The following ASAP1 variants were observed in gnomAD, a reference collection of about 807,000 sequenced individuals.
ASAP1 encodes the protein ArfGAP with SH3 domain, ankyrin repeat and PH domain 1.
Under a neutral mutation model 145.2 loss-of-function variants are expected in ASAP1, and 43 were observed. The observed-to-expected ratio is 0.30, with a 90% CI of 0.23 to 0.38. ASAP1 has a LOEUF of 0.38. Ranked by LOEUF, ASAP1 falls within the 10% of genes least tolerant of loss-of-function variation. ASAP1 has a pLI of 1.00. For missense variants in ASAP1, 1,018 were observed against 1,355.3 expected (o/e 0.75, Z 3.91); for synonymous variants, 546 against 515.5 (o/e 1.06, Z -0.80).
chr8:130,178,751 T>C (rs1359936791), intron 9 of ASAP1, among the ~76,000 whole-genome samples: 2 of 152,002 alleles, frequency 1.3e-5, no homozygotes, highest in East Asian at 1.9e-4. Flanking sequence ...TAACTGGGTG[T>C]GGTGGCGTGC....
At chr8:130,360,184 G>A (rs1826645165) in intron 2 of ASAP1, among the ~76,000 whole-genome samples, 1 of 152,220 alleles carries the variant, frequency 6.6e-6, no homozygotes, top group Non-Finnish European at 1.5e-5. Context: ...ACATAAAGTG[G>A]AGTAAATATA....
intron 2 of ASAP1, among the ~76,000 whole-genome samples, chr8:130,383,991 G>A (rs970161382): frequency 2.0e-5 from 3 of 152,162 alleles, no homozygotes; most frequent in African/African-American, 7.2e-5. Context: ...ACGGTTCATG[G>A]TGAAGACTGC....
chr8:130,202,183 A>T (rs1042452916), intron 5 of ASAP1, among the ~76,000 whole-genome samples: 3 of 152,200 alleles, frequency 2.0e-5, no homozygotes, highest in Admixed American at 6.5e-5. Flanking sequence ...CCTAAATGGT[A>T]ACTGTGATAG....
At chr8:130,251,158 C>A (rs1819172402) in intron 3 of ASAP1, among the ~76,000 whole-genome samples, 1 of 152,178 alleles carries the variant, frequency 6.6e-6, no homozygotes, top group East Asian at 1.9e-4. Context: ...TGGCTCACGC[C>A]TATAATCTCA....
At chr8:130,135,502 CA>C (rs1283922806) in intron 14 of ASAP1, among the ~76,000 whole-genome samples, 1 of 146,334 alleles carries the variant, frequency 6.8e-6, no homozygotes, top group African/African-American at 2.5e-5. Context: ...AAAAACAAAA[CA>C]AAAAAAACCC....
intron 9 of ASAP1, among the ~76,000 whole-genome samples, chr8:130,177,282 C>T (rs1383011028): frequency 6.6e-6 from 1 of 152,200 alleles, no homozygotes; most frequent in East Asian, 1.9e-4. Flanking sequence ...TACAAAGCAT[C>T]TTCTATTTTG....
intron 1 of ASAP1, among the ~76,000 whole-genome samples, chr8:130,404,437 G>A (rs1267523288): frequency 1.3e-5 from 2 of 152,176 alleles, no homozygotes; most frequent in African/African-American, 4.8e-5. Context: ...CTGGCATAAG[G>A]ATAAACATAT....
Position 130,426,270 on chromosome 8 carries a change from T to C in ASAP1, c.-28+17190A>G, listed in dbSNP as rs549807755. ...TCCCCTTCGCCTTCTACCATAATTG[T>C]AAGTTTCCTGAGGCCTCCCCAGAAG... is the stretch of plus-strand genomic sequence containing the variant. On this transcript the variant is annotated intron_variant, in intron 1 of 29. Coordinates refer to ENST00000518721, the MANE Select transcript of ASAP1 (RefSeq NM_018482.4). 2.6e-5 allele frequency among the ~76,000 whole-genome samples: 4 copies of C among 152,244 alleles called. No individual in the cohort carries two copies. In the East Asian group the frequency reaches 7.7e-4, roughly 29 times the overall value.
chr8:130,084,881 C>T (rs2097489358), intron 25 of ASAP1: 2 of 152,134 alleles, frequency 1.3e-5, no homozygotes, highest in African/African-American at 2.4e-5. Flanking sequence ...CCTGGAAGTC[C>T]CAGGCCTGAA....
At chr8:130,438,697 C>T (rs1175056109) in intron 1 of ASAP1, among the ~76,000 whole-genome samples, 1 of 152,076 alleles carries the variant, frequency 6.6e-6, no homozygotes, top group African/African-American at 2.4e-5. Context: ...ACAATCGGGC[C>T]GACAGCTGAA....
chr8:130,069,833 G>T (rs1218021222), intron 27 of ASAP1, among the ~76,000 whole-genome samples: 1 of 152,184 alleles, frequency 6.6e-6, no homozygotes, highest in African/African-American at 2.4e-5. Flanking sequence ...CAAAAATGGG[G>T]CAGACTAATC....
rs115075135 is a variant in ASAP1, at chr8:130,136,241, C to T, written c.1168+710G>A. ...AGGTAGCCAGCCTAAAGGAACATCTCCCCCCAACTCTTTACACACTATGAG... is the reference window on the plus strand; with the variant it reads ...AGGTAGCCAGCCTAAAGGAACATCTTCCCCCAACTCTTTACACACTATGAG... On this transcript the variant is annotated intron_variant, in intron 14 of 29. Transcript: ENST00000518721. Among the ~76,000 whole-genome samples, 1,349 of 152,168 alleles carry T rather than the reference C, an allele frequency of 8.9e-3. 17 individuals carry two copies. The highest frequency in any genetic ancestry group is 0.031 in the African/African-American group (1,304 of 41,494).
intron 17 of ASAP1, among the ~76,000 whole-genome samples, chr8:130,124,333 T>C (rs2097571538): frequency 6.6e-6 from 1 of 152,214 alleles, no homozygotes; most frequent in Non-Finnish European, 1.5e-5. Context: ...TCCCTTTCCA[T>C]AGATGCTCAT....
At chr8:130,281,032 T>C (rs556343887) in intron 3 of ASAP1, among the ~76,000 whole-genome samples, 15 of 152,006 alleles carry the variant, frequency 9.9e-5, no homozygotes, top group Non-Finnish European at 2.2e-4. Context: ...AGGTTTAGAG[T>C]ACATATGTAT....
At chr8:130,240,888 A>C (rs1818485414) in intron 3 of ASAP1, among the ~76,000 whole-genome samples, 1 of 152,130 alleles carries the variant, frequency 6.6e-6, no homozygotes, top group Admixed American at 6.6e-5. Flanking sequence ...GGCTGCTGCA[A>C]ATCAGAGAGA....
intron 13 of ASAP1, among the ~76,000 whole-genome samples, chr8:130,140,858 G>T (rs1019439058): frequency 3.9e-5 from 6 of 152,210 alleles, no homozygotes; most frequent in Admixed American, 2.6e-4. Flanking sequence ...CTTACCCAGG[G>T]CTGAGCCCAC....
intron 4 of ASAP1, among the ~76,000 whole-genome samples, chr8:130,232,237 G>A (rs753916369): frequency 6.6e-6 from 1 of 152,118 alleles, no homozygotes; most frequent in Non-Finnish European, 1.5e-5. Context: ...AAGGGGAAAG[G>A]GGATTAGGCT....
intron 5 of ASAP1, among the ~76,000 whole-genome samples, chr8:130,212,891 C>A (rs909377693): frequency 6.6e-6 from 1 of 152,208 alleles, no homozygotes; most frequent in African/African-American, 2.4e-5. Flanking sequence ...TAAGCCAATA[C>A]ATTTGGTCCT....
intron 13 of ASAP1, among the ~76,000 whole-genome samples, 158 bp from the exon 14 acceptor site, chr8:130,137,196 A>C (rs2097596961): frequency 6.6e-6 from 1 of 152,262 alleles, no homozygotes. Flanking sequence ...GCATTGTTCC[A>C]AGTTTGCTGC....
Sources: gnomAD v4.1 joint callset for allele counts (sites outside exome capture counted in the v4.1 genomes callset) on GRCh38, gnomAD v4.1.1 for gene constraint, MANE v1.5 for transcripts, NCBI Gene and HGNC (gene_info 2026-07-23, HGNC 2026-07-21) for gene names.